The following NSMCE2 variants were observed in gnomAD, a reference collection of about 807,000 sequenced individuals.
The protein encoded by NSMCE2 is NSE2 SUMO ligase component of SMC5/6 complex.
NSMCE2 carries 24 observed loss-of-function variants against 23.8 expected under a neutral mutation model. The ratio of observed to expected loss-of-function variants is 1.01; its 90% confidence interval spans 0.73 to 1.42. The LOEUF (loss-of-function observed/expected upper bound fraction) is 1.42. Ranked by LOEUF, NSMCE2 falls within the 40% of genes most tolerant of loss-of-function variation. NSMCE2 has a pLI of 0.00. For synonymous variants in NSMCE2, 92 were observed against 94.1 expected (o/e 0.98, Z 0.13); for missense variants, 284 against 296.5 (o/e 0.96, Z 0.31).
chr8:125,102,526 G>C lies in NSMCE2; in HGVS notation c.157+39G>C, dbSNP rs754926378. The C allele has an allele frequency of 1.4e-5, 22 of 1,538,264 alleles. No homozygotes were observed. In the South Asian group the frequency reaches 2.5e-4, roughly 17 times the overall value. ...AAACCTCTTTTGTGTCTACTTTGAG[G>C]TAACACTGTGTGGTGGTATTTATCT... On this transcript the variant is annotated intron_variant, in intron 3 of 7. Coordinates refer to ENST00000287437, the MANE Select transcript of NSMCE2 (RefSeq NM_173685.4).
At chr8:125,279,327 A>G (rs1827605319) in intron 5 of NSMCE2, among the ~76,000 whole-genome samples, 1 of 152,208 alleles carries the variant, frequency 6.6e-6, no homozygotes, top group Non-Finnish European at 1.5e-5. Flanking sequence ...CATGAACATT[A>G]CATTTTCCAT....
chr8:125,174,405 T>C (rs1822372428), intron 4 of NSMCE2, among the ~76,000 whole-genome samples: 1 of 152,168 alleles, frequency 6.6e-6, no homozygotes, highest in Non-Finnish European at 1.5e-5. Context: ...GTAAAATCAG[T>C]TTCGTTTCTT....
At chr8:125,298,355 G>A (rs1828411274) in intron 5 of NSMCE2, among the ~76,000 whole-genome samples, 1 of 152,174 alleles carries the variant, frequency 6.6e-6, no homozygotes, top group Non-Finnish European at 1.5e-5. Flanking sequence ...AGCCCTTTGA[G>A]GCATGTACTA....
At chr8:125,113,030 T>TAAAAGTG (rs1818840709) in intron 3 of NSMCE2, among the ~76,000 whole-genome samples, 1 of 129,954 alleles carries the variant, frequency 7.7e-6, no homozygotes, top group Non-Finnish European at 1.6e-5. Context: ...AAAATAAATT[T>TAAAAGTG]AAAAGTGAAT....
chr8:125,275,858 A>C (rs1182606291), intron 5 of NSMCE2, among the ~76,000 whole-genome samples: 2 of 152,202 alleles, frequency 1.3e-5, no homozygotes, highest in African/African-American at 4.8e-5. Context: ...TCAAACCCAG[A>C]ACGCTCCGCC....
intron 1 of NSMCE2, among the ~76,000 whole-genome samples, chr8:125,101,191 A>C (rs75994700): frequency 0.018 from 2,722 of 152,270 alleles, 177 homozygotes; most frequent in East Asian, 0.13. Context: ...CATGGTAGGT[A>C]CTCAATACTT....
At chr8:125,243,785 G>T (rs35955519) in intron 5 of NSMCE2, among the ~76,000 whole-genome samples, 15,227 of 152,036 alleles carry the variant, frequency 0.1, 948 homozygotes, top group East Asian at 0.17. Flanking sequence ...TAATAGTCCC[G>T]CATGCTAAAA....
intron 5 of NSMCE2, among the ~76,000 whole-genome samples, chr8:125,298,720 T>G (rs1828435166): frequency 6.6e-6 from 1 of 151,320 alleles, no homozygotes; most frequent in Non-Finnish European, 1.5e-5. Flanking sequence ...TTTCCCCAGT[T>G]TAGGTCTTAC....
chr8:125,333,549 C>G (rs866556378), intron 5 of NSMCE2, among the ~76,000 whole-genome samples: 2 of 97,924 alleles, frequency 2.0e-5, no homozygotes, highest in South Asian at 3.7e-4. Context: ...GAGTCTCGCT[C>G]TGTCGCCCAG....
chr8:125,352,851 T>C (rs1187567434), intron 5 of NSMCE2, among the ~76,000 whole-genome samples: 3 of 152,226 alleles, frequency 2.0e-5, no homozygotes, highest in Non-Finnish European at 1.5e-5. Flanking sequence ...CTAATGTCAA[T>C]TTCTATAAAT....
At chr8:125,310,886 A>G (rs1036735103) in intron 5 of NSMCE2, among the ~76,000 whole-genome samples, 1 of 152,200 alleles carries the variant, frequency 6.6e-6, no homozygotes, top group Non-Finnish European at 1.5e-5. Flanking sequence ...GAAATGCCTT[A>G]TGTTTGTGAT....
chr8:125,364,172 G>A (rs1192634579), intron 7 of NSMCE2, among the ~76,000 whole-genome samples: 2 of 152,128 alleles, frequency 1.3e-5, no homozygotes, highest in African/African-American at 2.4e-5. Flanking sequence ...TCAAACTCCT[G>A]ACCTCATGTG....
chr8:125,110,568 G>C (rs1335262593), intron 3 of NSMCE2, among the ~76,000 whole-genome samples: 2 of 152,126 alleles, frequency 1.3e-5, no homozygotes, highest in African/African-American at 2.4e-5. Context: ...TTGAGGCTTA[G>C]TGAAGTTACA....
chr8:125,182,279 G>T lies in NSMCE2; in HGVS notation c.418+23G>T, dbSNP rs758887967. 4 of 1,583,574 alleles carry T rather than the reference G, an allele frequency of 2.5e-6. No homozygotes were observed. The African/African-American group carries it at 5.5e-5, about 22-fold the overall frequency. On this transcript the variant is annotated intron_variant, in intron 5 of 7. Transcript: ENST00000287437. Reference sequence around the variant, plus strand: ...AATGTAAGTCAACATGCTTTGCTTTGGTTCGGCTTTTTGAAATTAGGGAAC... The same window carrying T: ...AATGTAAGTCAACATGCTTTGCTTTTGTTCGGCTTTTTGAAATTAGGGAAC...
At chr8:125,156,940 T>C (rs1242234508) in intron 4 of NSMCE2, among the ~76,000 whole-genome samples, 1 of 152,200 alleles carries the variant, frequency 6.6e-6, no homozygotes, top group Non-Finnish European at 1.5e-5. Context: ...TCTTGCAGGT[T>C]GGAAGTTACC....
At chr8:125,301,348 G>T (rs1260631972) in intron 5 of NSMCE2, among the ~76,000 whole-genome samples, 1 of 152,172 alleles carries the variant, frequency 6.6e-6, no homozygotes, top group African/African-American at 2.4e-5. Context: ...GTAATAGAAT[G>T]CAGTGGCTCA....
At chr8:125,132,385 C>T (rs534558000) in intron 3 of NSMCE2, among the ~76,000 whole-genome samples, 7 of 152,170 alleles carry the variant, frequency 4.6e-5, no homozygotes, top group Middle Eastern at 3.2e-3. Flanking sequence ...TGTGCCTGAC[C>T]TGTTCATATT....
intron 5 of NSMCE2, among the ~76,000 whole-genome samples, chr8:125,203,679 A>G (rs1823986326): frequency 6.6e-6 from 1 of 152,198 alleles, no homozygotes; most frequent in Non-Finnish European, 1.5e-5. Flanking sequence ...GCTAGTCACT[A>G]GGAATGTAAG....
At chr8:125,188,405 A>G (rs1013652235) in intron 5 of NSMCE2, among the ~76,000 whole-genome samples, 4 of 152,200 alleles carry the variant, frequency 2.6e-5, no homozygotes, top group African/African-American at 7.2e-5. Context: ...CCAAAAAACC[A>G]TCATGTGCTT....
Sources: allele counts gnomAD v4.1 joint callset (sites outside exome capture counted in the v4.1 genomes callset), GRCh38; gene constraint gnomAD v4.1.1; transcripts MANE v1.5; gene names NCBI Gene and HGNC (gene_info 2026-07-23, HGNC 2026-07-21).